The following DCBLD1 variants were observed in gnomAD, a reference collection of about 807,000 sequenced individuals.
DCBLD1 encodes discoidin, CUB and LCCL domain-containing protein 1.
DCBLD1 carries 57 observed loss-of-function variants against 71.5 expected under a neutral mutation model. That is an observed-to-expected ratio of 0.80 (90% CI 0.64 to 0.99). The LOEUF is 0.99. DCBLD1 is among the 50% of genes least tolerant of loss of function. DCBLD1 has a pLI of 0.00. For missense variants in DCBLD1, 891 were observed against 923.5 expected (o/e 0.96, Z 0.46); for synonymous variants, 380 against 363.8 (o/e 1.04, Z -0.51).
chr6:117,514,598 A>G (rs963679054), intron 2 of DCBLD1, among the ~76,000 whole-genome samples: 7 of 152,032 alleles, frequency 4.6e-5, no homozygotes, highest in African/African-American at 1.7e-4. Context: ...TCTCAAAAAA[A>G]AAAAAAAAAA....
intron 8 of DCBLD1, 60 bp downstream of exon 8, chr6:117,538,895 T>C (rs210617): frequency 0.49 from 742,607 of 1,517,208 alleles, 186,740 homozygotes; most frequent in South Asian, 0.61. Context: ...AAATGACTCG[T>C]AGTTGAAAAT....
chr6:117,548,577 G>A lies in DCBLD1; in HGVS notation c.*138G>A, dbSNP rs1779358450. On this transcript the variant is annotated 3_prime_UTR_variant, in exon 15 of 15. Coordinates refer to ENST00000338728, the MANE Select transcript of DCBLD1 (RefSeq NM_001366458.2). Reference sequence around the variant, plus strand: ...TTGCATGTGTGTGTGTGATCCAGTAGGATCCTAGAGACAACCTGTCATACT... The same window carrying A: ...TTGCATGTGTGTGTGTGATCCAGTAAGATCCTAGAGACAACCTGTCATACT... 1.4e-6 allele frequency: 2 copies of A among 1,457,790 alleles called. No homozygotes were observed. The highest frequency in any genetic ancestry group is 1.8e-6 in the Non-Finnish European group (2 of 1,110,194). The allele number at this position is 1,457,790 out of a possible 1,614,324, so 90.3% of individuals were successfully genotyped here.
intron 14 of DCBLD1, chr6:117,561,794 T>C (rs1779589173): frequency 4.8e-6 from 1 of 207,044 alleles, no homozygotes; most frequent in East Asian, 7.4e-5. Context: ...AAACAAACCA[T>C]AAATGAGCAA....
Position 117,482,903 on chromosome 6 carries a change from G to A in DCBLD1, c.112+10G>A, listed in dbSNP as rs1366539105. 28 of 1,191,878 alleles carry A rather than the reference G, an allele frequency of 2.3e-5. No homozygotes were observed. The highest frequency in any genetic ancestry group is 2.8e-5 in the Non-Finnish European group (27 of 960,032). 73.8% of individuals were successfully genotyped at this position (1,191,878 alleles called of 1,614,324 possible). A position where few individuals can be genotyped will look rare whatever the true frequency, so the allele number is the denominator to read the frequency against. On this transcript the variant is annotated intron_variant, in intron 1 of 14. Transcript: ENST00000338728. Reference sequence around the variant, plus strand: ...CAGGCGGAGGAGCTGGGTGAGTGGAGCGCGTCCGGCTGGCGGCGGGACCCG... The same window carrying A: ...CAGGCGGAGGAGCTGGGTGAGTGGAACGCGTCCGGCTGGCGGCGGGACCCG...
intron 14 of DCBLD1, 43 bp from the exon 15 acceptor site, chr6:117,547,864 C>A (rs775214355): frequency 6.5e-7 from 1 of 1,550,160 alleles, no homozygotes. Context: ...CAGGCCGGCC[C>A]GTGTGTGGTG....
intron 6 of DCBLD1, among the ~76,000 whole-genome samples, chr6:117,533,630 C>T (rs1778794585): frequency 6.6e-6 from 1 of 152,176 alleles, no homozygotes; most frequent in Non-Finnish European, 1.5e-5. Context: ...TTCTGAAGAA[C>T]CGACTTACGA....
chr6:117,520,661 C>G (rs1188742314), intron 3 of DCBLD1, among the ~76,000 whole-genome samples: 1 of 152,208 alleles, frequency 6.6e-6, no homozygotes, highest in Non-Finnish European at 1.5e-5. Context: ...AACACGAACA[C>G]TGATGAGAGA....
In DCBLD1 at chr6:117,539,322, C is replaced by CA; in HGVS notation, c.1049dup (p.Asn350LysfsTer3). ...ATGTTAAGAGTTTTGTGATGAACTT[C>CA]AAAAACAATAATTCTAAGTGGAAGA... On this transcript the variant is annotated frameshift_variant, in exon 9 of 15. Transcript: ENST00000338728. LOFTEE classifies it high-confidence loss of function. The CA allele has an allele frequency of 6.2e-7, 1 of 1,609,038 alleles. No homozygotes were observed. Among genetic ancestry groups the CA allele is most frequent in the Non-Finnish European group, 8.5e-7 (1 of 1,178,684 alleles).
At chr6:117,518,626 A>G (rs1778284992) in intron 2 of DCBLD1, among the ~76,000 whole-genome samples, 1 of 152,216 alleles carries the variant, frequency 6.6e-6, no homozygotes, top group Admixed American at 6.5e-5. Context: ...GCCTCAAATC[A>G]TGGTAGAAGG....
At chr6:117,537,065 G>T in intron 6 of DCBLD1, 120 bp from the exon 7 acceptor site, 1 of 935,386 alleles carries the variant, frequency 1.1e-6, no homozygotes, top group South Asian at 1.4e-5. Context: ...CAGGGGTGTT[G>T]TGAGGATCAT....
At chr6:117,562,994 C>A (rs1779617055) in intron 14 of DCBLD1, 3 of 422,538 alleles carry the variant, frequency 7.1e-6, no homozygotes, top group Admixed American at 4.1e-5. Context: ...CCAGTAATAC[C>A]CCTTTGGGAA....
intron 4 of DCBLD1, among the ~76,000 whole-genome samples, chr6:117,522,264 T>A (rs747500507): frequency 3.9e-5 from 6 of 152,230 alleles, no homozygotes; most frequent in Non-Finnish European, 8.8e-5. Context: ...AGGGCTGTCC[T>A]GTGCGTCGTT....
chr6:117,485,209 T>C (rs2114345454), intron 1 of DCBLD1, among the ~76,000 whole-genome samples: 1 of 152,354 alleles, frequency 6.6e-6, no homozygotes, highest in South Asian at 2.1e-4. Flanking sequence ...ATTTGTGTAA[T>C]GAATTTGTGC....
rs182842069 is a variant in DCBLD1 at position 117,510,774 on chromosome 6, C to G, written c.325+6795C>G. ...CACTAAGATTCCTCTATAAACATTC[C>G]CTCTGCATTTAAAGAAAGCTTTGGT... On this transcript the variant is annotated intron_variant, in intron 2 of 14. Transcript: ENST00000338728. Among the ~76,000 whole-genome samples the G allele has an allele frequency of 3.9e-5, 6 of 152,126 alleles. No homozygotes were observed. The East Asian group carries it at 9.6e-4, about 24-fold the overall frequency.
chr6:117,554,891 CAAA>C (rs34693828), intron 14 of DCBLD1, among the ~76,000 whole-genome samples: 10 of 137,650 alleles, frequency 7.3e-5, no homozygotes, highest in Non-Finnish European at 4.8e-5. Flanking sequence ...GACTCAGTTG[CAAA>C]AAAAAAAAAA....
chr6:117,506,745 A>G (rs1013779858), intron 2 of DCBLD1, among the ~76,000 whole-genome samples: 2 of 152,240 alleles, frequency 1.3e-5, no homozygotes. Flanking sequence ...TGATGTGGCC[A>G]CAGGATCTGG....
intron 8 of DCBLD1, 118 bp downstream of exon 8, chr6:117,538,953 G>A (rs1266377757): frequency 9.3e-7 from 1 of 1,070,478 alleles, no homozygotes; most frequent in East Asian, 2.6e-5. Flanking sequence ...CCAAGTTCTT[G>A]AAATATTTGA....
chr6:117,526,562 A>G (rs1165603760), intron 5 of DCBLD1, among the ~76,000 whole-genome samples: 3 of 152,188 alleles, frequency 2.0e-5, no homozygotes, highest in Non-Finnish European at 4.4e-5. Context: ...TGACAGAGCT[A>G]TATTTTTTAG....
rs1267099355 is a variant in DCBLD1, at chr6:117,562,702, A to G, written c.1616-6918A>G. 1.5e-5 allele frequency: 3 copies of G among 206,884 alleles called. No individual in the cohort carries two copies. In the Admixed American group the frequency reaches 1.8e-4, roughly 12 times the overall value. The allele number at this position is 206,884 out of a possible 1,614,324, so 12.8% of individuals were successfully genotyped here. ...AAATGCAAACTCATTACAATAAATG[A>G]TCATTAATAATTGGTTTAGATTTTA... On this transcript the variant is annotated intron_variant, in intron 14 of 14. Transcript: ENST00000296955.
Sources: gnomAD v4.1 joint callset for allele counts (sites outside exome capture counted in the v4.1 genomes callset) on GRCh38, gnomAD v4.1.1 for gene constraint, MANE v1.5 for transcripts, NCBI Gene and HGNC (gene_info 2026-07-23, HGNC 2026-07-21) for gene names.